PRKG1: variants seen among roughly 807,000 people sequenced by gnomAD.
PRKG1 encodes the protein protein kinase cGMP-dependent 1, also known as cGMP-dependent protein kinase 1.
A neutral mutation model predicts 88.1 loss-of-function variants in PRKG1; 35 were observed. The ratio of observed to expected loss-of-function variants is 0.40; its 90% CI spans 0.30 to 0.53. PRKG1 has a LOEUF of 0.53. PRKG1 is among the 20% of genes least tolerant of loss of function. The pLI is 0.59. For synonymous variants in PRKG1, 303 were observed against 292.5 expected (o/e 1.04, Z -0.37); for missense variants, 540 against 839.8 (o/e 0.64, Z 4.41).
intron 2 of PRKG1, among the ~76,000 whole-genome samples, chr10:51,395,319 T>C (rs754277713): frequency 2.6e-5 from 4 of 152,258 alleles, no homozygotes; most frequent in Non-Finnish European, 4.4e-5. Flanking sequence ...GTGCAGCACC[T>C]CATTGTCTAG....
chr10:51,139,994 A>G (rs957314069), intron 1 of PRKG1, among the ~76,000 whole-genome samples: 1 of 152,180 alleles, frequency 6.6e-6, no homozygotes, highest in African/African-American at 2.4e-5. Context: ...ATTGACCTGT[A>G]GCTATTCTTT....
intron 3 of PRKG1, among the ~76,000 whole-genome samples, chr10:51,765,861 C>T (rs1037369784): frequency 1.9e-4 from 27 of 145,732 alleles, no homozygotes; most frequent in Admixed American, 2.9e-4. Context: ...TCAGCTCAGG[C>T]GGCCATAAAA....
chr10:51,255,452 T>C (rs1239263351), intron 2 of PRKG1, among the ~76,000 whole-genome samples: 1 of 152,138 alleles, frequency 6.6e-6, no homozygotes, highest in Non-Finnish European at 1.5e-5. Context: ...CAAACTGGCT[T>C]AAACAACGAC....
chr10:52,089,337 T>G (rs1846993533), intron 7 of PRKG1, among the ~76,000 whole-genome samples: 4 of 152,236 alleles, frequency 2.6e-5, no homozygotes, highest in Non-Finnish European at 5.9e-5. Context: ...TTTTGTTATC[T>G]AATCCTGTCT....
chr10:51,301,155 A>G (rs984988653), intron 2 of PRKG1, among the ~76,000 whole-genome samples: 7 of 152,212 alleles, frequency 4.6e-5, no homozygotes, highest in Non-Finnish European at 7.3e-5. Context: ...CTGGCCGTCC[A>G]AAATCATCCT....
chr10:51,577,022 C>T (rs1837905990), intron 3 of PRKG1, among the ~76,000 whole-genome samples: 1 of 151,910 alleles, frequency 6.6e-6, no homozygotes, highest in Admixed American at 6.6e-5. Context: ...AACTATCATA[C>T]TTGGATTCTA....
intron 3 of PRKG1, among the ~76,000 whole-genome samples, chr10:51,740,941 G>A (rs57071723): frequency 0.098 from 7,469 of 76,090 alleles, 561 homozygotes; most frequent in African/African-American, 0.2. Flanking sequence ...AAAAAAAAAA[G>A]CATCAAGAGA....
chr10:51,038,661 C>T (rs974257549), intron 1 of PRKG1, among the ~76,000 whole-genome samples: 13 of 152,170 alleles, frequency 8.5e-5, no homozygotes, highest in African/African-American at 3.1e-4. Flanking sequence ...ATGACTGGAT[C>T]TTGCTCTTTT....
chr10:51,078,596 A>G (rs968968792), intron 1 of PRKG1, among the ~76,000 whole-genome samples: 5 of 134,532 alleles, frequency 3.7e-5, no homozygotes, highest in African/African-American at 5.7e-5. Context: ...ATTTATATTT[A>G]TTTATTTATT....
intron 2 of PRKG1, among the ~76,000 whole-genome samples, chr10:51,162,641 A>AT (rs1564622897): frequency 2.0e-5 from 3 of 152,240 alleles, no homozygotes; most frequent in Non-Finnish European, 2.9e-5. Context: ...ACTGAAGTGG[A>AT]TTTTTTTCCT....
chr10:51,026,025 A>G (rs150286847), intron 1 of PRKG1, among the ~76,000 whole-genome samples: 2 of 152,278 alleles, frequency 1.3e-5, no homozygotes, highest in African/African-American at 4.8e-5. Context: ...CACAGACTGC[A>G]CCCAGAAAAT....
In PRKG1 at chr10:51,675,413, A is replaced by G. The variant is rs187931328; in HGVS notation, c.593-129172A>G. Among the ~76,000 whole-genome samples the G allele has an allele frequency of 1.9e-3, 294 of 152,268 alleles. 2 individuals are homozygous for G. Among genetic ancestry groups the G allele is most frequent in the African/African-American group, 6.4e-3 (266 of 41,552 alleles). ...TTCTGCAAATAACAAAAGGATATAA[A>G]ATTGCAATTTTTATCAAGTCAAGAC... is the stretch of plus-strand genomic sequence containing the variant. On this transcript the variant is annotated intron_variant, in intron 3 of 17. Coordinates refer to ENST00000373980, the MANE Select transcript of PRKG1 (RefSeq NM_006258.4).
intron 2 of PRKG1, among the ~76,000 whole-genome samples, chr10:51,392,890 GGCTGGCCGGGTGGGGGGCT>G (rs1837458344): frequency 8.3e-6 from 1 of 120,950 alleles, no homozygotes; most frequent in Non-Finnish European, 1.9e-5. Context: ...CAGACGGGGC[GGCTGGCCGGGTGGGGGGCT>G]GACCACCCCC....
intron 2 of PRKG1, among the ~76,000 whole-genome samples, chr10:51,261,962 C>T (rs1482676847): frequency 1.3e-5 from 2 of 148,606 alleles, no homozygotes; most frequent in Non-Finnish European, 3.0e-5. Flanking sequence ...GCTCGGCTCA[C>T]TGCAAGCTCT....
At chr10:51,276,364 T>C (rs1840117640) in intron 2 of PRKG1, among the ~76,000 whole-genome samples, 1 of 152,244 alleles carries the variant, frequency 6.6e-6, no homozygotes, top group African/African-American at 2.4e-5. Flanking sequence ...CAGTCCATCA[T>C]TGTTGGACAT....
At chr10:51,221,488 C>T (rs1417201604) in intron 2 of PRKG1, among the ~76,000 whole-genome samples, 1 of 151,852 alleles carries the variant, frequency 6.6e-6, no homozygotes, top group Non-Finnish European at 1.5e-5. Flanking sequence ...ATTTTCTGAT[C>T]AAACAGTTAA....
chr10:51,336,062 A>G (rs1383388382), intron 2 of PRKG1, among the ~76,000 whole-genome samples: 1 of 152,202 alleles, frequency 6.6e-6, no homozygotes, highest in East Asian at 1.9e-4. Flanking sequence ...TTAGAGAGCA[A>G]TTATAGCAGG....
At chr10:51,671,911 C>A (rs1259341651) in intron 3 of PRKG1, among the ~76,000 whole-genome samples, 2 of 152,110 alleles carry the variant, frequency 1.3e-5, no homozygotes, top group East Asian at 1.9e-4. Flanking sequence ...TCCAGTATGA[C>A]CTTTTCTTGA....
At chr10:52,116,995 T>A (rs1164159888) in intron 7 of PRKG1, among the ~76,000 whole-genome samples, 1 of 152,142 alleles carries the variant, frequency 6.6e-6, no homozygotes, top group Non-Finnish European at 1.5e-5. Flanking sequence ...TGTAAAGATA[T>A]CCTGTGAGTT....
Sources: gnomAD v4.1 joint callset for allele counts (sites outside exome capture counted in the v4.1 genomes callset) on GRCh38, gnomAD v4.1.1 for gene constraint, MANE v1.5 for transcripts, NCBI Gene and HGNC (gene_info 2026-07-23, HGNC 2026-07-21) for gene names.